Variants in COLEC11 observed in about 807,000 individuals in gnomAD.
COLEC11 encodes the protein collectin-11.
Under a neutral mutation model 27.3 loss-of-function variants are expected in COLEC11, and 20 were observed. That is an observed-to-expected ratio of 0.73 (90% confidence interval 0.51 to 1.06). COLEC11 has a LOEUF of 1.06. Among genes scored for constraint, COLEC11 ranks in the 50% least tolerant of loss-of-function variants. The pLI, the probability that COLEC11 is intolerant of heterozygous loss-of-function variation, is 0.00. For synonymous variants in COLEC11, 163 were observed against 154.7 expected (o/e 1.05, Z -0.40); for missense variants, 310 against 383.0 (o/e 0.81, Z 1.59).
At chr2:3,641,975 C>T (rs1294699556) in intron 5 of COLEC11, among the ~76,000 whole-genome samples, 3 of 152,292 alleles carry the variant, frequency 2.0e-5, no homozygotes, top group African/African-American at 4.8e-5. Context: ...CGGGGAGCCC[C>T]GGCACCACGG....
At chr2:3,633,171 C>G (rs148294956) in intron 3 of COLEC11, among the ~76,000 whole-genome samples, 192 of 152,274 alleles carry the variant, frequency 1.3e-3, no homozygotes, top group African/African-American at 4.4e-3. Flanking sequence ...CGAGGCCAGG[C>G]CCCCAGGCTG....
chr2:3,643,540 G>C lies in COLEC11; in HGVS notation c.424+1G>C, dbSNP rs759949052. On this transcript the variant is annotated splice_donor_variant, in intron 6 of 6. Coordinates refer to ENST00000349077, the MANE Select transcript of COLEC11 (RefSeq NM_024027.5). LOFTEE classifies it high-confidence loss of function. ...AGCGAGCTCAAGTTCATCAAGAATG[G>C]TATGTGGCTCCCGGCGCCGCCCTCG... The C allele has an allele frequency of 2.5e-6, 4 of 1,613,300 alleles. No individual in the cohort carries two copies. Among genetic ancestry groups the C allele is most frequent in the Non-Finnish European group, 3.4e-6 (4 of 1,179,458 alleles).
rs900573769 is a variant in COLEC11 at position 3,602,868 on chromosome 2, C to T, written c.-26-1447C>T. 1.3e-5 allele frequency among the ~76,000 whole-genome samples: 2 copies of T among 152,208 alleles called. No homozygotes were observed. The highest frequency in any genetic ancestry group is 4.8e-5 in the African/African-American group (2 of 41,450). Reference sequence around the variant, plus strand: ...CCATCCTGAACAGCAGCATGTGTCCCGGCCACTGGACTCTGCCTCACTCTT... The same window carrying T: ...CCATCCTGAACAGCAGCATGTGTCCTGGCCACTGGACTCTGCCTCACTCTT... On this transcript the variant is annotated intron_variant, in intron 1 of 6. Coordinates refer to ENST00000349077, the MANE Select transcript of COLEC11 (RefSeq NM_024027.5). This position sits in a 1 kb window ranked among gnomAD's most constrained non-coding sequence, Gnocchi z 6.2.
intron 3 of COLEC11, among the ~76,000 whole-genome samples, chr2:3,627,915 G>A (rs1664680261): frequency 6.6e-6 from 1 of 152,214 alleles, no homozygotes; most frequent in African/African-American, 2.4e-5. Flanking sequence ...AGCATCCCTG[G>A]GAAGAGCGGG....
chr2:3,603,970 G>T (rs888816871), intron 1 of COLEC11: 23 of 564,798 alleles, frequency 4.1e-5, no homozygotes, highest in South Asian at 1.6e-4. Flanking sequence ...TCTGTGGCTG[G>T]CTATGCTGTG....
intron 3 of COLEC11, among the ~76,000 whole-genome samples, chr2:3,631,633 CCAGCCGGGTATGCTT>C (rs1665006753): frequency 6.6e-6 from 1 of 151,964 alleles, no homozygotes; most frequent in African/African-American, 2.4e-5. Flanking sequence ...TAACTCCCCA[CCAGCCGGGTATGCTT>C]GGTCACGGCT....
chr2:3,608,758 G>A (rs762971183), intron 2 of COLEC11, among the ~76,000 whole-genome samples: 43 of 152,230 alleles, frequency 2.8e-4, no homozygotes, highest in Middle Eastern at 3.2e-3. Flanking sequence ...CGTGGACAGG[G>A]CAAGTCTACA....
At chr2:3,604,596 C>G in intron 2 of COLEC11, 126 bp downstream of exon 2, 1 of 1,020,596 alleles carries the variant, frequency 9.8e-7, no homozygotes. Context: ...CCCATTGGGT[C>G]TCAGTTTCCC....
At chr2:3,643,696 G>A in intron 6 of COLEC11, 31 bp from the exon 7 acceptor site, 1 of 1,613,322 alleles carries the variant, frequency 6.2e-7, no homozygotes, top group Non-Finnish European at 8.5e-7. Flanking sequence ...ACATACAAGT[G>A]CTCACTTTTC....
At chr2:3,619,127 T>C (rs1039338905) in intron 3 of COLEC11, among the ~76,000 whole-genome samples, 1 of 152,154 alleles carries the variant, frequency 6.6e-6, no homozygotes, top group Non-Finnish European at 1.5e-5. Context: ...GCTTTACCTC[T>C]CCCTTTCCAA....
intron 3 of COLEC11, among the ~76,000 whole-genome samples, chr2:3,618,065 T>C (rs1663910142): frequency 6.6e-6 from 1 of 152,258 alleles, no homozygotes; most frequent in Non-Finnish European, 1.5e-5. Context: ...TTGAGTTGTA[T>C]GAATTCCTTA....
chr2:3,606,035 G>C, intron 2 of COLEC11: 1 of 1,538,558 alleles, frequency 6.5e-7, no homozygotes, highest in African/African-American at 1.4e-5. Context: ...TAAACTGTTG[G>C]ATGCCTACGG....
chr2:3,641,452 G>C, intron 5 of COLEC11: 2 of 1,269,432 alleles, frequency 1.6e-6, no homozygotes, highest in South Asian at 2.6e-5. Flanking sequence ...GGCGGGGCAA[G>C]GAGAGGGGAC....
chr2:3,613,976 C>CTTT (rs1461288131), intron 3 of COLEC11, among the ~76,000 whole-genome samples: 1 of 91,324 alleles, frequency 1.1e-5, no homozygotes, highest in African/African-American at 3.5e-5. Flanking sequence ...TTCTTTCTTT[C>CTTT]TTTCTTTTTT....
At chr2:3,638,614 C>G (rs1171385929) in intron 4 of COLEC11, among the ~76,000 whole-genome samples, 2 of 152,136 alleles carry the variant, frequency 1.3e-5, no homozygotes, top group Non-Finnish European at 2.9e-5. Context: ...AGACCTCCCC[C>G]TAGCCCAGCC....
rs1254817778 is a variant in COLEC11 at position 3,643,777 on chromosome 2, G to A, written c.475G>A (p.Glu159Lys). The stretch of plus-strand genomic sequence containing the variant: ...GAGCAAGATCTACCTGCTGGTGAAG[G>A]AGGAGAAGCGCTACGCGGACGCCCA... ...TESKIYLLVK[E>K]EKRYADAQLS... is the part of the protein sequence containing the mutation. Residue 159 changes from glutamate (E) to lysine (K), a missense_variant, in exon 7 of 7, where the codon GAG becomes AAG. Glu to Lys is a moderately conservative substitution (Grantham distance 56). Coordinates refer to ENST00000349077, the MANE Select transcript of COLEC11 (RefSeq NM_024027.5). 6.2e-7 allele frequency: 1 copy of A among 1,613,634 alleles called. No homozygotes were observed. Among genetic ancestry groups the A allele is most frequent in the South Asian group, 1.1e-5 (1 of 91,090 alleles).
intron 5 of COLEC11, among the ~76,000 whole-genome samples, chr2:3,641,050 C>A (rs1199103053): frequency 5.7e-5 from 6 of 105,620 alleles, no homozygotes; most frequent in Admixed American, 5.3e-4. Context: ...ACGGTGGACA[C>A]CCACCCACCA....
chr2:3,626,244 A>G, intron 3 of COLEC11: 2 of 780,524 alleles, frequency 2.6e-6, no homozygotes, highest in South Asian at 2.7e-5. Context: ...AGGGAGGAAT[A>G]TTGTTAGGCA....
chr2:3,610,799 C>T (rs919632681), intron 2 of COLEC11, among the ~76,000 whole-genome samples: 4 of 152,092 alleles, frequency 2.6e-5, no homozygotes, highest in African/African-American at 9.7e-5. Context: ...CGGATCTTGC[C>T]GTCTAAATTA....
Sources: allele counts gnomAD v4.1 joint callset (sites outside exome capture counted in the v4.1 genomes callset), GRCh38; gene constraint gnomAD v4.1.1; non-coding constraint Gnocchi (gnomAD v3.1); transcripts MANE v1.5; gene names NCBI Gene and HGNC (gene_info 2026-07-23, HGNC 2026-07-21).